PTPRR: variants seen among roughly 807,000 people sequenced by gnomAD.
PTPRR encodes protein tyrosine phosphatase receptor type R.
Under a neutral mutation model 77.2 loss-of-function variants are expected in PTPRR, and 38 were observed. The observed-to-expected ratio is 0.49, with a 90% CI of 0.38 to 0.65. The LOEUF is 0.65. Among genes scored for constraint, PTPRR ranks in the 30% least tolerant of loss-of-function variants. The probability of loss-of-function intolerance (pLI) is 0.00; values close to 1 mark genes in which losing one functional copy is unlikely to be tolerated. For synonymous variants in PTPRR, 299 were observed against 283.1 expected (o/e 1.06, Z -0.57); for missense variants, 744 against 799.2 (o/e 0.93, Z 0.83).
chr12:70,707,930 AATCT>A lies in PTPRR; in HGVS notation c.1008-6611_1008-6608del, dbSNP rs543170450. On this transcript the variant is annotated intron_variant, in intron 6 of 13. Transcript: ENST00000283228. ...ACCCTTTTGACGTAAGATGCTTCCT[AATCT>A]ATCTACTGTGTATTTCTCCATCCTC... is the stretch of plus-strand genomic sequence containing the variant. 7.0e-4 allele frequency among the ~76,000 whole-genome samples: 107 copies of A among 152,072 alleles called. No individual in the cohort carries two copies. In the Middle Eastern group the frequency reaches 0.01, roughly 15 times the overall value.
chr12:70,799,135 C>G (rs942388638), intron 2 of PTPRR, among the ~76,000 whole-genome samples: 9 of 152,158 alleles, frequency 5.9e-5, no homozygotes, highest in Admixed American at 5.9e-4. Flanking sequence ...CTGACCATAC[C>G]TGTACACATT....
intron 13 of PTPRR, among the ~76,000 whole-genome samples, chr12:70,646,817 A>C (rs1468436844): frequency 1.3e-5 from 2 of 152,230 alleles, no homozygotes; most frequent in Non-Finnish European, 2.9e-5. Context: ...GATAAACCTT[A>C]GACCAACAAG....
chr12:70,754,651 C>T, intron 4 of PTPRR: 1 of 1,597,618 alleles, frequency 6.3e-7, no homozygotes, highest in Non-Finnish European at 8.5e-7. Context: ...TTTCCTTACT[C>T]TGTTTTAAGT....
chr12:70,728,525 C>A (rs1416672103), intron 6 of PTPRR, among the ~76,000 whole-genome samples: 4 of 65,426 alleles, frequency 6.1e-5, no homozygotes, highest in Non-Finnish European at 1.0e-4. Flanking sequence ...ATTCCAAAAT[C>A]TGAATATATA....
chr12:70,782,458 G>A (rs976015407), intron 2 of PTPRR, among the ~76,000 whole-genome samples: 1 of 152,102 alleles, frequency 6.6e-6, no homozygotes, highest in African/African-American at 2.4e-5. Context: ...ATCAATGATA[G>A]ACTGGATTAA....
At chr12:70,836,477 T>C (rs967912364) in intron 2 of PTPRR, among the ~76,000 whole-genome samples, 5 of 151,946 alleles carry the variant, frequency 3.3e-5, no homozygotes, top group African/African-American at 1.2e-4. Context: ...ATAGGACATA[T>C]CACCACAAAT....
chr12:70,870,849 A>G (rs1345440015), intron 2 of PTPRR, among the ~76,000 whole-genome samples: 2 of 152,202 alleles, frequency 1.3e-5, no homozygotes, highest in Non-Finnish European at 2.9e-5. Context: ...TATTGCATTA[A>G]TTAATACTGT....
intron 10 of PTPRR, among the ~76,000 whole-genome samples, chr12:70,668,560 CATTTT>C (rs1231340177): frequency 6.6e-6 from 1 of 152,100 alleles, no homozygotes; most frequent in Non-Finnish European, 1.5e-5. Flanking sequence ...GATATATTTT[CATTTT>C]ATGCATTTAG....
chr12:70,698,987 A>G (rs889620144), intron 7 of PTPRR, among the ~76,000 whole-genome samples: 14 of 152,162 alleles, frequency 9.2e-5, no homozygotes, highest in Admixed American at 7.9e-4. Flanking sequence ...ATCAGAGTAT[A>G]CATTATATGC....
chr12:70,732,148 A>C (rs896662407), intron 6 of PTPRR, among the ~76,000 whole-genome samples: 1 of 152,224 alleles, frequency 6.6e-6, no homozygotes, highest in Admixed American at 6.5e-5. Context: ...CCTCTGCCAT[A>C]CTTTGAATGT....
chr12:70,764,413 C>T (rs1480440285), intron 3 of PTPRR, among the ~76,000 whole-genome samples: 1 of 152,096 alleles, frequency 6.6e-6, no homozygotes, highest in South Asian at 2.1e-4. Context: ...CTATAAAGGG[C>T]CAGATGATAA....
At chr12:70,656,479 A>C (rs752426850) in intron 13 of PTPRR, among the ~76,000 whole-genome samples, 8 of 150,980 alleles carry the variant, frequency 5.3e-5, no homozygotes. Flanking sequence ...CTGGGAGCTG[A>C]GATTGCACCA....
chr12:70,764,621 A>G, intron 3 of PTPRR, 44 bp downstream of exon 3: 1 of 1,494,168 alleles, frequency 6.7e-7, no homozygotes, highest in Non-Finnish European at 9.3e-7. Context: ...AAAAAACCAC[A>G]CACACGGCTT....
chr12:70,864,424 G>T (rs1892805957), intron 2 of PTPRR, among the ~76,000 whole-genome samples: 1 of 152,090 alleles, frequency 6.6e-6, no homozygotes, highest in Non-Finnish European at 1.5e-5. Flanking sequence ...TGATCAATAG[G>T]GTTGATTTTC....
At chr12:70,919,673 GTTTTTTTT>G (rs58439089) in intron 1 of PTPRR, among the ~76,000 whole-genome samples, 89 of 110,072 alleles carry the variant, frequency 8.1e-4, no homozygotes, top group African/African-American at 2.3e-3. Flanking sequence ...AACTGTAATT[GTTTTTTTT>G]TTTTTTTTTT....
At chr12:70,706,684 C>A (rs1173711320) in intron 6 of PTPRR, among the ~76,000 whole-genome samples, 1 of 151,856 alleles carries the variant, frequency 6.6e-6, no homozygotes, top group African/African-American at 2.4e-5. Context: ...TTTACTACAC[C>A]CTTATTTTAC....
At chr12:70,794,698 C>T (rs74101602) in intron 2 of PTPRR, among the ~76,000 whole-genome samples, 1,736 of 152,256 alleles carry the variant, frequency 0.011, 33 homozygotes, top group African/African-American at 0.038. Flanking sequence ...CATGGGTCCT[C>T]AATGACACAG....
intron 6 of PTPRR, among the ~76,000 whole-genome samples, chr12:70,726,550 A>T (rs972054714): frequency 6.6e-6 from 1 of 150,564 alleles, no homozygotes; most frequent in Non-Finnish European, 1.5e-5. Context: ...GTTATCTGTT[A>T]TCAGTATCAT....
chr12:70,646,330 C>T (rs1886197609), intron 13 of PTPRR, among the ~76,000 whole-genome samples: 1 of 152,066 alleles, frequency 6.6e-6, no homozygotes, highest in Non-Finnish European at 1.5e-5. Context: ...GTAAATTTGG[C>T]CAATTCTGAC....
Sources: gnomAD v4.1 joint callset for allele counts (sites outside exome capture counted in the v4.1 genomes callset) on GRCh38, gnomAD v4.1.1 for gene constraint, MANE v1.5 for transcripts, NCBI Gene and HGNC (gene_info 2026-07-23, HGNC 2026-07-21) for gene names.